Variants in ANK3 observed in about 807,000 individuals in gnomAD.
The protein encoded by ANK3 is ankyrin 3, also known as ankyrin-3.
In ANK3, 57 loss-of-function variants were observed where a neutral mutation model predicts 370.9. The ratio of observed to expected loss-of-function variants is 0.15; its 90% confidence interval spans 0.12 to 0.19. The LOEUF is 0.19. Among genes scored for constraint, ANK3 ranks in the 10% least tolerant of loss-of-function variants. The pLI is 1.00. For missense variants in ANK3, 4,439 were observed against 5,302.1 expected, an observed-to-expected ratio of 0.84 and a Z score of 5.06; for synonymous variants, 1,929 against 1,946.3, an observed-to-expected ratio of 0.99 and a Z score of 0.23.
At chr10:60,581,755 A>G (rs1424151590) in intron 2 of ANK3, among the ~76,000 whole-genome samples, 1 of 151,972 alleles carries the variant, frequency 6.6e-6, no homozygotes, top group African/African-American at 2.4e-5. Flanking sequence ...CCATTTTTTA[A>G]TCAGGTTATT....
At chr10:60,145,900 T>A (rs1475785255) in intron 23 of ANK3, 1 of 700,680 alleles carries the variant, frequency 1.4e-6, no homozygotes, top group Non-Finnish European at 2.6e-6. Flanking sequence ...GTGGAATGAA[T>A]GAAAGAGCAG....
At chr10:60,344,520 G>A (rs1473951791) in intron 1 of ANK3, among the ~76,000 whole-genome samples, 3 of 152,066 alleles carry the variant, frequency 2.0e-5, no homozygotes, top group Admixed American at 6.6e-5. Flanking sequence ...ATAAAAAAGC[G>A]TTCTGCATCC....
At chr10:60,095,923 C>T (rs1349091616) in intron 28 of ANK3, among the ~76,000 whole-genome samples, 1 of 152,120 alleles carries the variant, frequency 6.6e-6, no homozygotes, top group East Asian at 1.9e-4. Flanking sequence ...CCTGTAATCC[C>T]AGCATTTTGG....
intron 7 of ANK3, 82 bp downstream of exon 7, chr10:60,261,777 T>C: frequency 8.0e-7 from 1 of 1,243,632 alleles, no homozygotes; most frequent in Non-Finnish European, 1.2e-6. Flanking sequence ...AGAAAATTTG[T>C]CCCAACATCC....
intron 5 of ANK3, among the ~76,000 whole-genome samples, chr10:60,266,562 C>A (rs994752629): frequency 2.6e-5 from 4 of 152,156 alleles, no homozygotes; most frequent in Non-Finnish European, 5.9e-5. Context: ...TACATTTCCA[C>A]TGATGAGAAT....
chr10:60,465,771 T>G (rs1457899998), intron 2 of ANK3, among the ~76,000 whole-genome samples: 2 of 149,822 alleles, frequency 1.3e-5, no homozygotes, highest in Non-Finnish European at 3.0e-5. Flanking sequence ...AATAGTTTTC[T>G]TTTTCTTTTT....
rs377672585 is a variant in ANK3, at chr10:60,696,273, C to A, written c.57+36990G>T. Among the ~76,000 whole-genome samples the A allele has an allele frequency of 6.0e-5, 9 of 149,612 alleles. No individual in the cohort carries two copies. In the East Asian group the frequency reaches 1.7e-3, roughly 29 times the overall value. ...TGGCAATAATCAATAGCTTACCAAC[C>A]AAAAAGAGTCCAGGACCAGATGGAT... On this transcript the variant is annotated intron_variant, in intron 1 of 43. Transcript: ENST00000373827.
intron 27 of ANK3, among the ~76,000 whole-genome samples, chr10:60,107,986 A>T (rs746426229): frequency 4.6e-5 from 7 of 152,196 alleles, no homozygotes; most frequent in Non-Finnish European, 1.0e-4. Flanking sequence ...AAAGCACAAG[A>T]TAGGTAGCGG....
chr10:60,139,247 A>G lies in ANK3; in HGVS notation c.2615-160T>C, dbSNP rs548501961. On this transcript the variant is annotated intron_variant, in intron 23 of 43. Coordinates refer to ENST00000280772, the MANE Select transcript of ANK3 (RefSeq NM_020987.5). Reference sequence around the variant, plus strand: ...TTTGAAACTCTCATTTAGAAGGAAAAGGTATAGGTAAAGGTTAGTACACAA... The same window carrying G: ...TTTGAAACTCTCATTTAGAAGGAAAGGGTATAGGTAAAGGTTAGTACACAA... 10 of 805,662 alleles carry G rather than the reference A, an allele frequency of 1.2e-5. No homozygotes were observed. The Admixed American group carries it at 2.2e-4, about 18-fold the overall frequency. The allele number at this position is 805,662 out of a possible 1,614,324, so 49.9% of individuals were successfully genotyped here.
At chr10:60,569,036 C>A (rs544778373) in intron 2 of ANK3, among the ~76,000 whole-genome samples, 68 of 133,900 alleles carry the variant, frequency 5.1e-4, no homozygotes, top group African/African-American at 1.7e-3. Context: ...GTTGTTTAAG[C>A]CACCTAGTCT....
chr10:60,076,133 G>C lies in ANK3; in HGVS notation c.4748C>G (p.Thr1583Ser), dbSNP rs1340720091. 6.2e-7 allele frequency: 1 copy of C among 1,614,182 alleles called. No individual in the cohort carries two copies. The stretch of plus-strand genomic sequence containing the variant: ...ATTGTATGGAGATTGTGACACCACA[G>C]TTTTTATCGGCGAAGACATTGTCCG... ...SFRTMSSPIK[T>S]VVSQSPYNIQ... Residue 1583 changes from threonine (T) to serine (S), a missense_variant, in exon 37 of 44, where the codon ACT (threonine) becomes AGT (serine). Physicochemically the swap from Thr to Ser is moderately conservative, Grantham distance 58. Around this residue, in one of 13 missense-constraint regions of ANK3, gnomAD observed 679 missense variants for 791.0 expected, o/e 0.86. Coordinates refer to ENST00000280772, the MANE Select transcript of ANK3 (RefSeq NM_020987.5).
At chr10:60,240,335 G>A (rs34807899) in intron 7 of ANK3, among the ~76,000 whole-genome samples, 1 of 116,388 alleles carries the variant, frequency 8.6e-6, no homozygotes. Context: ...ATAGAGTTTC[G>A]CTCTTGCTGC....
chr10:60,081,343 G>A (rs749520901), intron 35 of ANK3, among the ~76,000 whole-genome samples: 12 of 152,044 alleles, frequency 7.9e-5, no homozygotes, highest in Admixed American at 2.0e-4. Context: ...CCCCATCCCC[G>A]CCTCGGCCTC....
intron 18 of ANK3, among the ~76,000 whole-genome samples, chr10:60,177,311 A>T (rs1401338483): frequency 6.6e-6 from 1 of 152,146 alleles, no homozygotes; most frequent in Non-Finnish European, 1.5e-5. Context: ...GACTGTGATG[A>T]TTCCGAAATC....
intron 1 of ANK3, among the ~76,000 whole-genome samples, chr10:60,346,146 T>G (rs2055416917): frequency 2.6e-5 from 4 of 151,982 alleles, no homozygotes. Flanking sequence ...GTATACAAAA[T>G]AAAACCAGAA....
intron 2 of ANK3, among the ~76,000 whole-genome samples, chr10:60,492,503 C>G (rs999637268): frequency 6.6e-6 from 1 of 151,316 alleles, no homozygotes; most frequent in African/African-American, 2.4e-5. Context: ...GTCAGGAGAT[C>G]GAGACTATCC....
At chr10:60,683,583 A>C (rs1031683164) in intron 1 of ANK3, among the ~76,000 whole-genome samples, 2 of 152,240 alleles carry the variant, frequency 1.3e-5, no homozygotes, top group Non-Finnish European at 1.5e-5. Context: ...GCCTTCTTCC[A>C]TATCCATTCT....
chr10:60,198,823 A>G (rs910750662), intron 13 of ANK3, among the ~76,000 whole-genome samples: 10 of 152,154 alleles, frequency 6.6e-5, no homozygotes, highest in African/African-American at 2.4e-4. Context: ...ATCAAATTTG[A>G]ACTTTAATTG....
chr10:60,600,101 A>G (rs16915196), intron 2 of ANK3, among the ~76,000 whole-genome samples: 18,462 of 152,166 alleles, frequency 0.12, 1,590 homozygotes, highest in East Asian at 0.27. Flanking sequence ...CTAAAATTAT[A>G]TAGGTAGCAA....
Sources: allele counts gnomAD v4.1 joint callset (sites outside exome capture counted in the v4.1 genomes callset), GRCh38; gene constraint gnomAD v4.1.1; regional missense constraint gnomAD v4.1.1; transcripts MANE v1.5; gene names NCBI Gene and HGNC (gene_info 2026-07-23, HGNC 2026-07-21).